MTRFR: variants seen among roughly 807,000 people sequenced by gnomAD.
The protein encoded by MTRFR is mitochondrial translation release factor in rescue.
MTRFR carries 10 observed loss-of-function variants against 11.9 expected under a neutral mutation model. The ratio of observed to expected loss-of-function variants is 0.84; its 90% CI spans 0.52 to 1.42. The LOEUF (loss-of-function observed/expected upper bound fraction) is 1.42. MTRFR is among the 40% of genes most tolerant of loss of function. The pLI, the probability that MTRFR is intolerant of heterozygous loss-of-function variation, is 0.00. For missense variants in MTRFR, 196 were observed against 197.9 expected, an observed-to-expected ratio of 0.99 and a Z score of 0.06; for synonymous variants, 77 against 79.1, an observed-to-expected ratio of 0.97 and a Z score of 0.14.
At position 123,246,680 on chromosome 12, in the gene MTRFR, G is replaced by A. The variant is rs936856195; in HGVS notation, c.-28-6967G>A. Among the ~76,000 whole-genome samples the A allele has an allele frequency of 3.7e-5, 5 of 134,192 alleles. No individual in the cohort carries two copies. The East Asian group carries it at 1.0e-3, about 28-fold the overall frequency. The allele number at this position is 134,192 out of a possible 152,430, so 88.0% of individuals were successfully genotyped here. On this transcript the variant is annotated intron_variant, in intron 1 of 2. Coordinates refer to ENST00000253233, the MANE Select transcript of MTRFR (RefSeq NM_152269.5). Reference sequence around the variant, plus strand: ...TTGATTTCCAGTTTTATTCCACTGTGGTCTGAGAGAGTGCTTGATATAATT... The same window carrying A: ...TTGATTTCCAGTTTTATTCCACTGTAGTCTGAGAGAGTGCTTGATATAATT...
chr12:123,244,326 G>A (rs1057228449), intron 1 of MTRFR, among the ~76,000 whole-genome samples: 7 of 152,144 alleles, frequency 4.6e-5, no homozygotes, highest in Non-Finnish European at 2.9e-5. Flanking sequence ...CAGCTACTCA[G>A]GAGGCCGAGG....
chr12:123,249,544 T>C, intron 1 of MTRFR: 1 of 153,672 alleles, frequency 6.5e-6, no homozygotes, highest in Non-Finnish European at 1.4e-5. Flanking sequence ...CGGCACACCC[T>C]CCACAGCTGC....
intron 1 of MTRFR, among the ~76,000 whole-genome samples, chr12:123,236,814 C>T (rs1008333938): frequency 1.3e-5 from 2 of 152,036 alleles, no homozygotes; most frequent in Non-Finnish European, 1.5e-5. Context: ...TGGGGCCGGG[C>T]GCGGTGGCTC....
chr12:123,241,326 G>GT (rs746164381), intron 1 of MTRFR, among the ~76,000 whole-genome samples: 1 of 151,528 alleles, frequency 6.6e-6, no homozygotes, highest in African/African-American at 2.4e-5. Context: ...TTATTTTACT[G>GT]TTTTTTGTTG....
intron 1 of MTRFR, among the ~76,000 whole-genome samples, chr12:123,243,555 A>C (rs2047982569): frequency 6.6e-6 from 1 of 150,470 alleles, no homozygotes; most frequent in Non-Finnish European, 1.5e-5. Context: ...AAATACAAAA[A>C]TTAGCTAGGT....
intron 2 of MTRFR, among the ~76,000 whole-genome samples, chr12:123,256,255 A>C (rs2048181180): frequency 6.6e-6 from 1 of 152,218 alleles, no homozygotes; most frequent in South Asian, 2.1e-4. Context: ...ACATCAGTTG[A>C]TACTTTCATA....
At chr12:123,253,549 CA>C in intron 1 of MTRFR, 97 bp from the exon 2 acceptor site, 1 of 1,196,510 alleles carries the variant, frequency 8.4e-7, no homozygotes, top group South Asian at 1.3e-5. Context: ...GATGGGTCAT[CA>C]TTTGAATTGC....
At chr12:123,253,030 G>A (rs1472162448) in intron 1 of MTRFR, among the ~76,000 whole-genome samples, 1 of 136,382 alleles carries the variant, frequency 7.3e-6, no homozygotes, top group Admixed American at 7.7e-5. Context: ...TTTGCTTGAT[G>A]CACTATTTAC....
At chr12:123,256,689 T>C (rs931638829) in intron 2 of MTRFR, 124 bp from the exon 3 acceptor site, 3 of 817,828 alleles carry the variant, frequency 3.7e-6, no homozygotes, top group Non-Finnish European at 6.0e-6. Flanking sequence ...AGAACGAAAC[T>C]CTGTCTCAAT....
At chr12:123,233,104 G>A (rs1200415064), upstream of MTRFR, 3 of 151,934 alleles carry the variant, frequency 2.0e-5, no homozygotes, top group East Asian at 5.9e-4. Context: ...CCGATGTCAG[G>A]GTCATGCAAG....
intron 1 of MTRFR, chr12:123,248,868 G>A (rs1024414608): frequency 5.9e-5 from 9 of 152,230 alleles, no homozygotes; most frequent in African/African-American, 2.2e-4. Context: ...GTGCTGATTG[G>A]TGCGTTTATA....
intron 1 of MTRFR, among the ~76,000 whole-genome samples, chr12:123,238,020 C>T (rs538081698): frequency 1.3e-5 from 2 of 152,120 alleles, no homozygotes; most frequent in African/African-American, 2.4e-5. Flanking sequence ...TGCAGCCTCC[C>T]GAGTAGCCGG....
chr12:123,254,617 T>G (rs1459036873), intron 2 of MTRFR: 1 of 152,426 alleles, frequency 6.6e-6, no homozygotes, highest in Non-Finnish European at 1.5e-5. Flanking sequence ...CAGCTGCCTA[T>G]AGGAGTCTTC....
intron 1 of MTRFR, among the ~76,000 whole-genome samples, chr12:123,248,040 T>C (rs905981618): frequency 2.6e-5 from 4 of 152,206 alleles, no homozygotes; most frequent in Non-Finnish European, 5.9e-5. Flanking sequence ...CTTTTTAACT[T>C]GTATTTTTGT....
At chr12:123,253,059 C>T (rs775128150) in intron 1 of MTRFR, among the ~76,000 whole-genome samples, 10 of 121,820 alleles carry the variant, frequency 8.2e-5, no homozygotes, top group Admixed American at 4.7e-4. Flanking sequence ...AATTACAGTC[C>T]GTTCCTTTGA....
At chr12:123,234,877 G>A (rs560734326) in intron 1 of MTRFR, among the ~76,000 whole-genome samples, 1 of 152,158 alleles carries the variant, frequency 6.6e-6, no homozygotes, top group East Asian at 1.9e-4. Flanking sequence ...GATCTCCTTA[G>A]TACCTGATTT....
rs781404665 is a variant in MTRFR at position 123,256,802 on chromosome 12, A to C, written c.283-11A>C. ...TGTGGTTTTCACATTATAAAATATT[A>C]TCTCTTACAGTGCCATCAGACAAGA... On this transcript the variant is annotated splice_polypyrimidine_tract_variant and intron_variant, in intron 2 of 2. Transcript: ENST00000253233. The C allele has an allele frequency of 6.2e-7, 1 of 1,600,038 alleles. No individual in the cohort carries two copies. Among genetic ancestry groups the C allele is most frequent in the Non-Finnish European group, 8.6e-7 (1 of 1,167,290 alleles).
At chr12:123,235,124 G>T (rs1178367234) in intron 1 of MTRFR, among the ~76,000 whole-genome samples, 1 of 152,176 alleles carries the variant, frequency 6.6e-6, no homozygotes, top group Non-Finnish European at 1.5e-5. Context: ...CAGCCTTGTA[G>T]TTGAGAGATC....
chr12:123,247,470 C>T (rs949567199), intron 1 of MTRFR, among the ~76,000 whole-genome samples: 1 of 152,186 alleles, frequency 6.6e-6, no homozygotes, highest in African/African-American at 2.4e-5. Flanking sequence ...ATAGCTACCC[C>T]TGCTTGTTTA....
Sources: allele counts gnomAD v4.1 joint callset (sites outside exome capture counted in the v4.1 genomes callset), GRCh38; gene constraint gnomAD v4.1.1; transcripts MANE v1.5; gene names NCBI Gene and HGNC (gene_info 2026-07-23, HGNC 2026-07-21).